Variants in BAIAP2 observed in about 807,000 individuals in gnomAD.
The protein encoded by BAIAP2 is BAR/IMD domain-containing adapter protein 2.
A neutral mutation model predicts 63.0 loss-of-function variants in BAIAP2; 18 were observed. The ratio of observed to expected loss-of-function variants is 0.29; its 90% CI spans 0.20 to 0.42. The LOEUF is 0.42. Among genes scored for constraint, BAIAP2 ranks in the 10% least tolerant of loss-of-function variants. BAIAP2 has a pLI of 1.00. For synonymous variants in BAIAP2, 386 were observed against 307.6 expected (o/e 1.25, Z -2.67); for missense variants, 610 against 734.3 (o/e 0.83, Z 1.96).
At chr17:81,058,330 C>G (rs2144339100) in intron 3 of BAIAP2, among the ~76,000 whole-genome samples, 1 of 152,290 alleles carries the variant, frequency 6.6e-6, no homozygotes, top group East Asian at 1.9e-4. Flanking sequence ...GATGCAAGCC[C>G]ACGTGTGGTG....
At chr17:81,103,813 G>C in intron 8 of BAIAP2, 90 bp downstream of exon 8, 1 of 1,586,708 alleles carries the variant, frequency 6.3e-7, no homozygotes, top group Admixed American at 1.7e-5. Flanking sequence ...GCAGAGTCCA[G>C]GGGCCCCTGC....
At chr17:81,038,464 A>G (rs1219519595) in intron 1 of BAIAP2, among the ~76,000 whole-genome samples, 1 of 152,170 alleles carries the variant, frequency 6.6e-6, no homozygotes, top group African/African-American at 2.4e-5. Context: ...AGGTTGAGAG[A>G]GCATCTGGGG....
Position 81,057,867 on chromosome 17 carries a change from T to C in BAIAP2, c.131-14T>C. On this transcript the variant is annotated splice_polypyrimidine_tract_variant and intron_variant, in intron 2 of 13. Transcript: ENST00000428708. ...TCGTGGAGGAAATAACTGCTCCCTTTTCTTCTCTCTCAGGTGTGACGTATG... is the reference window on the plus strand; with the variant it reads ...TCGTGGAGGAAATAACTGCTCCCTTCTCTTCTCTCTCAGGTGTGACGTATG... 1 of 1,607,234 alleles carries C rather than the reference T, an allele frequency of 6.2e-7. No homozygotes were observed. Among genetic ancestry groups the C allele is most frequent in the Non-Finnish European group, 8.5e-7 (1 of 1,176,154 alleles).
intron 13 of BAIAP2, 106 bp from the exon 14 acceptor site, chr17:81,115,664 G>A (rs187331996): frequency 2.1e-5 from 28 of 1,338,788 alleles, no homozygotes; most frequent in African/African-American, 1.0e-4. Context: ...AGATCGGACC[G>A]TAGGCATCCA....
At chr17:81,035,701 C>A (rs774166150) in intron 1 of BAIAP2, among the ~76,000 whole-genome samples, 1 of 150,330 alleles carries the variant, frequency 6.7e-6, no homozygotes, top group African/African-American at 2.5e-5. Flanking sequence ...CACACCCGGG[C>A]AGGGCCGGGG....
chr17:81,063,104 G>A (rs914393564), intron 3 of BAIAP2, among the ~76,000 whole-genome samples: 3 of 152,078 alleles, frequency 2.0e-5, no homozygotes, highest in South Asian at 2.1e-4. Flanking sequence ...GGACTGCAGG[G>A]GTTAAGAGGA....
intron 3 of BAIAP2, among the ~76,000 whole-genome samples, chr17:81,074,479 C>T (rs1481422311): frequency 1.3e-5 from 2 of 149,410 alleles, no homozygotes; most frequent in Non-Finnish European, 3.0e-5. Context: ...TGCACGGATA[C>T]ATGTGAATGC....
chr17:81,048,742 C>T (rs1179006716), intron 1 of BAIAP2, among the ~76,000 whole-genome samples: 1 of 152,092 alleles, frequency 6.6e-6, no homozygotes, highest in Non-Finnish European at 1.5e-5. Context: ...TCCCTGGGGG[C>T]TGTAGTAGGG....
chr17:81,065,578 G>A (rs2051317797), intron 3 of BAIAP2, among the ~76,000 whole-genome samples: 1 of 152,200 alleles, frequency 6.6e-6, no homozygotes, highest in African/African-American at 2.4e-5. Flanking sequence ...GGTTTGCAGT[G>A]TCCTGTGACT....
chr17:81,057,721 T>G, intron 2 of BAIAP2, 160 bp from the exon 3 acceptor site: 1 of 1,402,474 alleles, frequency 7.1e-7, no homozygotes, highest in Admixed American at 3.1e-5. Context: ...AAGAGATGGG[T>G]TCTGTCCAAC....
intron 1 of BAIAP2, among the ~76,000 whole-genome samples, chr17:81,037,178 A>G (rs1273208594): frequency 2.6e-5 from 4 of 152,120 alleles, no homozygotes; most frequent in South Asian, 2.1e-4. Context: ...CGTGAAACAC[A>G]CAGGTTCTGC....
intron 3 of BAIAP2, among the ~76,000 whole-genome samples, chr17:81,058,906 C>T (rs972937840): frequency 2.0e-5 from 3 of 152,184 alleles, no homozygotes; most frequent in South Asian, 2.1e-4. Context: ...CTGGCTGAGT[C>T]GGCAGGCGGT....
At chr17:81,095,723 G>A (rs544287026) in intron 6 of BAIAP2, among the ~76,000 whole-genome samples, 2 of 152,168 alleles carry the variant, frequency 1.3e-5, no homozygotes, top group African/African-American at 4.8e-5. Flanking sequence ...GAGGGGCCCC[G>A]CCAGAGCACC....
chr17:81,081,831 CA>C (rs1009286640), intron 3 of BAIAP2, among the ~76,000 whole-genome samples: 21 of 152,174 alleles, frequency 1.4e-4, no homozygotes, highest in African/African-American at 5.1e-4. Flanking sequence ...AGTGCAGCCC[CA>C]GGGGGCCATC....
chr17:81,094,446 T>C (rs2057311676), intron 6 of BAIAP2, among the ~76,000 whole-genome samples: 1 of 152,212 alleles, frequency 6.6e-6, no homozygotes. Flanking sequence ...CATGGATCCC[T>C]GATCCTGCCA....
chr17:81,064,679 C>T (rs980613821), intron 3 of BAIAP2, among the ~76,000 whole-genome samples: 4 of 152,120 alleles, frequency 2.6e-5, no homozygotes, highest in African/African-American at 9.7e-5. Context: ...GGGTCAGAGC[C>T]GGCCTTTGGT....
chr17:81,100,112 G>A (rs536968219), intron 7 of BAIAP2, 32 bp downstream of exon 7: 4 of 1,578,856 alleles, frequency 2.5e-6, no homozygotes, highest in Non-Finnish European at 3.4e-6. Flanking sequence ...CTGTGCCGGC[G>A]CTGGGCCTTG....
chr17:81,040,543 T>C (rs1362767186), intron 1 of BAIAP2, among the ~76,000 whole-genome samples: 3 of 152,284 alleles, frequency 2.0e-5, no homozygotes, highest in Non-Finnish European at 4.4e-5. Context: ...TGATCTGTCC[T>C]GCCCACGGAT....
intron 6 of BAIAP2, among the ~76,000 whole-genome samples, chr17:81,092,191 T>A (rs1416258710): frequency 2.0e-5 from 3 of 152,232 alleles, no homozygotes; most frequent in African/African-American, 7.2e-5. Context: ...CTGAGCTGCA[T>A]GTATGCGGAG....
Sources: allele counts gnomAD v4.1 joint callset (sites outside exome capture counted in the v4.1 genomes callset), GRCh38; gene constraint gnomAD v4.1.1; transcripts MANE v1.5; gene names NCBI Gene and HGNC (gene_info 2026-07-23, HGNC 2026-07-21).